MED22: variants seen among roughly 807,000 people sequenced by gnomAD.
MED22 encodes the protein mediator complex subunit 22, also known as mediator of RNA polymerase II transcription subunit 22.
Under a neutral mutation model 22.7 loss-of-function variants are expected in MED22, and 22 were observed. The observed-to-expected ratio is 0.97, with a 90% CI of 0.69 to 1.38. The LOEUF (loss-of-function observed/expected upper bound fraction) is 1.38, where lower values mean the gene tolerates loss of function less well. Ranked by LOEUF, MED22 falls within the 40% of genes most tolerant of loss-of-function variation. The pLI is 0.00. For missense variants in MED22, 247 were observed against 263.0 expected, an observed-to-expected ratio of 0.94 and a Z score of 0.42; for synonymous variants, 134 against 119.4, an observed-to-expected ratio of 1.12 and a Z score of -0.80.
chr9:133,342,469 C>A (rs2129953361), intron 4 of MED22: 756,704 of 985,728 alleles, frequency 0.77, 291,133 homozygotes, highest in African/African-American at 0.83. Flanking sequence ...TCCCGAGGAA[C>A]GCAAAGGAGA....
At chr9:133,347,311 T>A (rs1218083759) in intron 1 of MED22, 1 of 152,108 alleles carries the variant, frequency 6.6e-6, no homozygotes, top group Admixed American at 6.6e-5. Context: ...AGGTCAGGAG[T>A]TTGAGACTAG....
At chr9:133,342,446 GCA>G (rs1194255367) in intron 4 of MED22, 2 of 985,942 alleles carry the variant, frequency 2.0e-6, no homozygotes, top group Non-Finnish European at 2.4e-6. Context: ...ACCGTCCTGG[GCA>G]CAGAGTGGCA....
At position 133,338,818 on chromosome 9, in the gene MED22, A is replaced by T; in HGVS notation, c.*2687T>A. 1 of 385,284 alleles carries T rather than the reference A, an allele frequency of 2.6e-6. No individual in the cohort carries two copies. The highest frequency in any genetic ancestry group is 2.1e-5 in the South Asian group (1 of 48,336). The allele number at this position is 385,284 out of a possible 1,614,324, so 23.9% of individuals were successfully genotyped here. On this transcript the variant is annotated 3_prime_UTR_variant, in exon 5 of 5. Transcript: ENST00000343730. ...GTCTCAAAACTTCTGACCACAAGTG[A>T]TCCACCCGCTTTGGCTTCTCAAAGT...
In MED22 at chr9:133,348,039, C is replaced by T. The variant is rs2129975602; in HGVS notation, c.-156G>A. The T allele has an allele frequency of 5.1e-4, 358 of 700,386 alleles. 6 individuals are homozygous for T. The East Asian group carries it at 7.8e-3, about 15-fold the overall frequency. 43.4% of individuals were successfully genotyped at this position (700,386 alleles called of 1,614,324 possible). A position where few individuals can be genotyped will look rare whatever the true frequency, so the allele number is the denominator to read the frequency against. Reference sequence around the variant, plus strand: ...CTCTCCCACGGCCTGGCCCTCCCGCCGCAGTCTCTCTTCCCCGCCGCGCCG... The same window carrying T: ...CTCTCCCACGGCCTGGCCCTCCCGCTGCAGTCTCTCTTCCCCGCCGCGCCG... On this transcript the variant is annotated 5_prime_UTR_variant, in exon 1 of 5. Transcript: ENST00000343730.
intron 3 of MED22, 150 bp from the exon 4 acceptor site, chr9:133,344,483 C>A: frequency 1.4e-6 from 1 of 731,824 alleles, no homozygotes; most frequent in Non-Finnish European, 2.3e-6. Flanking sequence ...TCCACAGGTT[C>A]ATGTGTGAGA....
chr9:133,344,265 G>A lies in MED22; in HGVS notation c.273C>T (p.Phe91=), dbSNP rs1238635786. ...DLKQFLILND[F]PSVNEAIDQR... is the part of the protein sequence containing the mutation. The stretch of plus-strand genomic sequence containing the variant: ...GGTCAATGGCCTCGTTCACGGAGGG[G>A]AAGTCATTGAGGATCAGGAACTGCT... The change falls in exon 4 of 5, where the codon TTC becomes TTT. Residue 91 remains phenylalanine (F), a synonymous_variant. Transcript: ENST00000343730. 6.2e-7 allele frequency: 1 copy of A among 1,614,228 alleles called. No homozygotes were observed. Among genetic ancestry groups the A allele is most frequent in the Admixed American group, 1.7e-5 (1 of 60,024 alleles).
In MED22 at chr9:133,344,154, G is replaced by C. The variant is rs782243720; in HGVS notation, c.384C>G (p.Tyr128Ter). 4 of 1,614,190 alleles carry C rather than the reference G, an allele frequency of 2.5e-6. No individual in the cohort carries two copies. The highest frequency in any genetic ancestry group is 3.4e-6 in the Non-Finnish European group (4 of 1,180,032). Residue 128 changes from tyrosine (Y) to a stop codon, truncating the protein, a stop_gained, in exon 4 of 5, where the codon TAC (tyrosine) becomes TAG (stop). Coordinates refer to ENST00000343730, the MANE Select transcript of MED22 (RefSeq NM_133640.5). LOFTEE classifies it high-confidence loss of function. Reference sequence around the variant, plus strand: ...ACGAGTAATACTCCTCCTCCAGCTCGTAGAGGTCAATGGAGATCTCGTCTC... The same window carrying C: ...ACGAGTAATACTCCTCCTCCAGCTCCTAGAGGTCAATGGAGATCTCGTCTC... ...TLRDEISIDL[Y>*]ELEEEYYSSS...
chr9:133,345,307 T>TGGCCC, intron 2 of MED22, 55 bp from the exon 3 acceptor site: 4 of 1,564,610 alleles, frequency 2.6e-6, no homozygotes, highest in African/African-American at 1.4e-5. Flanking sequence ...TCCCCACCCC[T>TGGCCC]GGCCCGGCCC....
At position 133,341,616 on chromosome 9, in the gene MED22, A is replaced by G. The variant is rs1251566981; in HGVS notation, c.492T>C (p.Asp164=). ...ACGCCAGCAGAGGGGCCGAGAGGCC[A>G]TCAGCAGAGTCTGTGTCGAGGTCCA... The part of the protein sequence containing the change: ...GRLDLDTDSA[D]GLSAPLLASP... Residue 164 remains aspartate, a synonymous_variant, in exon 5 of 5, where the codon GAT becomes GAC. Coordinates refer to ENST00000343730, the MANE Select transcript of MED22 (RefSeq NM_133640.5). The G allele has an allele frequency of 6.3e-7, 1 of 1,599,114 alleles. No individual in the cohort carries two copies. Among genetic ancestry groups the G allele is most frequent in the Non-Finnish European group, 8.5e-7 (1 of 1,174,108 alleles).
chr9:133,346,512 T>C (rs2129968408), intron 2 of MED22, 28 bp downstream of exon 2: 2 of 1,610,782 alleles, frequency 1.2e-6, no homozygotes, highest in Middle Eastern at 1.7e-4. Context: ...CAGACTCTGC[T>C]CCCCTTGGTG....
Position 133,338,913 on chromosome 9 carries a change from A to C in MED22, c.*2592T>G, listed in dbSNP as rs2119052591. ...TTAGATTTTAAGACTCCAAAATAAC[A>C]ACCAAATGCAACACACAATAAAAAC... On this transcript the variant is annotated 3_prime_UTR_variant, in exon 5 of 5. Transcript: ENST00000343730. 4 of 537,984 alleles carry C rather than the reference A, an allele frequency of 7.4e-6. No individual in the cohort carries two copies. Among genetic ancestry groups the C allele is most frequent in the Admixed American group, 6.3e-5 (3 of 47,488 alleles). The allele number at this position is 537,984 out of a possible 1,614,324, so 33.3% of individuals were successfully genotyped here.
In MED22 at chr9:133,341,552, G is replaced by C. The variant is rs2129949005; in HGVS notation, c.556C>G (p.Pro186Ala). 3.9e-6 allele frequency: 6 copies of C among 1,554,352 alleles called. No homozygotes were observed. In the African/African-American group the frequency reaches 4.2e-5, roughly 11 times the overall value. ...PSAGPLQVAAPAHSHAGGPGP... is the reference protein window; with the variant it reads ...PSAGPLQVAAAAHSHAGGPGP... ...GGGCCACCAGCATGGGAGTGGGCAG[G>C]GGCTGCCACCTGTAGGGGGCCAGCA... The change falls in exon 5 of 5, where the codon CCT (proline) becomes GCT (alanine). Residue 186 changes from proline to alanine, a missense_variant. Transcript: ENST00000343730.
intron 3 of MED22, among the ~76,000 whole-genome samples, chr9:133,344,736 C>A (rs1018361686): frequency 1.3e-5 from 2 of 152,176 alleles, no homozygotes; most frequent in African/African-American, 2.4e-5. Flanking sequence ...GCATTTTGAG[C>A]CCTGGACGTG....
intron 4 of MED22, chr9:133,343,431 C>T (rs1836074229): frequency 4.1e-6 from 5 of 1,226,392 alleles, no homozygotes; most frequent in East Asian, 3.2e-5. Flanking sequence ...CTCAAACGGT[C>T]GAAGGTTTCA....
rs1835967168 is a variant in MED22 at position 133,340,029 on chromosome 9, C to G, written c.*1476G>C. On this transcript the variant is annotated 3_prime_UTR_variant, in exon 5 of 5. Transcript: ENST00000343730. ...AGGAACAGGGTAAGTGGGATCCCACCACAAAGTCTGGCCAGTTCCTTCCGG... is the reference window on the plus strand; with the variant it reads ...AGGAACAGGGTAAGTGGGATCCCACGACAAAGTCTGGCCAGTTCCTTCCGG... 1 of 152,426 alleles carries G rather than the reference C, an allele frequency of 6.6e-6. No homozygotes were observed. Among genetic ancestry groups the G allele is most frequent in the Non-Finnish European group, 1.5e-5 (1 of 68,200 alleles). The allele number at this position is 152,426 out of a possible 1,614,324, so 9.4% of individuals were successfully genotyped here.
At chr9:133,346,985 G>C (rs1836204987) in intron 1 of MED22, among the ~76,000 whole-genome samples, 1 of 152,138 alleles carries the variant, frequency 6.6e-6, no homozygotes, top group African/African-American at 2.4e-5. Flanking sequence ...GCGTGTCCCA[G>C]GGAGCCCTGC....
Position 133,346,683 on chromosome 9 carries a change from A to G in MED22, c.-21T>C, listed in dbSNP as rs2129969707. 1 of 1,609,028 alleles carries G rather than the reference A, an allele frequency of 6.2e-7. No individual in the cohort carries two copies. The highest frequency in any genetic ancestry group is 1.1e-5 in the South Asian group (1 of 91,022). The stretch of plus-strand genomic sequence containing the variant: ...GCCATGGCCGAGCCTCAAGCAGCGC[A>G]GCGGGGAGACCTGGGACCTAGAGTG... On this transcript the variant is annotated 5_prime_UTR_variant, in exon 2 of 5. Transcript: ENST00000343730.
At chr9:133,346,516 C>T (rs2129968440) in intron 2 of MED22, 24 bp downstream of exon 2, 1 of 1,611,582 alleles carries the variant, frequency 6.2e-7, no homozygotes, top group South Asian at 1.1e-5. Flanking sequence ...CTCTGCTCCC[C>T]TTGGTGGGCC....
chr9:133,343,251 G>A (rs1175713564), intron 4 of MED22: 1 of 1,210,314 alleles, frequency 8.3e-7, no homozygotes, highest in Non-Finnish European at 1.0e-6. Flanking sequence ...CCACCAGGAA[G>A]GAAAGGTTTG....
Sources: allele counts gnomAD v4.1 joint callset (sites outside exome capture counted in the v4.1 genomes callset), GRCh38; gene constraint gnomAD v4.1.1; transcripts MANE v1.5; gene names NCBI Gene and HGNC (gene_info 2026-07-23, HGNC 2026-07-21).